Variants in CDC14A observed in about 807,000 individuals in gnomAD.
The protein encoded by CDC14A is dual specificity protein phosphatase CDC14A.
Under a neutral mutation model 74.4 loss-of-function variants are expected in CDC14A, and 53 were observed. The observed-to-expected ratio is 0.71, with a 90% CI of 0.57 to 0.89. The LOEUF (loss-of-function observed/expected upper bound fraction) is 0.89, where lower values mean the gene tolerates loss of function less well. CDC14A is among the 40% of genes least tolerant of loss of function. CDC14A has a pLI of 0.00. For missense variants in CDC14A, 646 were observed against 713.7 expected, an observed-to-expected ratio of 0.91 and a Z score of 1.08; for synonymous variants, 247 against 258.4, an observed-to-expected ratio of 0.96 and a Z score of 0.43.
At chr1:100,453,275 C>T (rs1411892018) in intron 7 of CDC14A, among the ~76,000 whole-genome samples, 2 of 152,156 alleles carry the variant, frequency 1.3e-5, no homozygotes, top group Non-Finnish European at 2.9e-5. Flanking sequence ...AAATGGATTT[C>T]TGTAATCCAA....
At chr1:100,506,473 T>C (rs975872985) in intron 15 of CDC14A, among the ~76,000 whole-genome samples, 1 of 152,232 alleles carries the variant, frequency 6.6e-6, no homozygotes, top group Admixed American at 6.5e-5. Context: ...CAAATTGTTA[T>C]GAGGTCAGCA....
At chr1:100,397,319 AG>A (rs1351374582) in intron 4 of CDC14A, among the ~76,000 whole-genome samples, 1 of 152,202 alleles carries the variant, frequency 6.6e-6, no homozygotes, top group Non-Finnish European at 1.5e-5. Flanking sequence ...TTGAGATGGA[AG>A]GCTCAGATTT....
intron 2 of CDC14A, among the ~76,000 whole-genome samples, chr1:100,361,656 G>T (rs1248248207): frequency 6.6e-6 from 1 of 152,188 alleles, no homozygotes; most frequent in African/African-American, 2.4e-5. Context: ...AGGCACAAGA[G>T]GTGTTTGGGA....
rs532459706 is a variant in CDC14A at position 100,362,815 on chromosome 1, C to T, written c.140+8963C>T. Among the ~76,000 whole-genome samples, 3 of 152,212 alleles carry T rather than the reference C, an allele frequency of 2.0e-5. No homozygotes were observed. The South Asian group carries it at 6.2e-4, about 32-fold the overall frequency. The stretch of plus-strand genomic sequence containing the variant: ...ACTTGAAAATGAAGCAGCATTGTTG[C>T]CTGGGGTAAATACCCGGGGTTCTTC... On this transcript the variant is annotated intron_variant, in intron 2 of 15. Coordinates refer to ENST00000336454, the MANE Select transcript of CDC14A (RefSeq NM_003672.4).
chr1:100,482,856 C>T (rs1669631158), intron 10 of CDC14A, among the ~76,000 whole-genome samples: 1 of 151,782 alleles, frequency 6.6e-6, no homozygotes, highest in Non-Finnish European at 1.5e-5. Context: ...ACTTTAAGTT[C>T]TAGAGTACAT....
chr1:100,432,371 G>C (rs114546724), intron 5 of CDC14A, among the ~76,000 whole-genome samples: 1 of 152,158 alleles, frequency 6.6e-6, no homozygotes, highest in Admixed American at 6.5e-5. Flanking sequence ...TGAAGTATAC[G>C]GACAATATAG....
intron 3 of CDC14A, among the ~76,000 whole-genome samples, chr1:100,377,894 T>A (rs1260369154): frequency 1.3e-5 from 2 of 152,262 alleles, no homozygotes; most frequent in Non-Finnish European, 2.9e-5. Context: ...CCTTTTAGGC[T>A]GTTGTTAATG....
chr1:100,351,238 G>T (rs989804818), upstream of CDC14A, among the ~76,000 whole-genome samples: 2 of 151,396 alleles, frequency 1.3e-5, no homozygotes, highest in Admixed American at 6.6e-5. Flanking sequence ...AACAAAACCT[G>T]CAATTGGCCC....
At position 100,347,278 on chromosome 1, in the gene CDC14A, A is replaced by G. The variant is rs1204660213; in HGVS notation, c.-126+2095A>G. On this transcript the variant is annotated intron_variant, in intron 1 of 14. Coordinates refer to the CDC14A transcript ENST00000635056. Reference sequence around the variant, plus strand: ...ACCTCCTTCTCTTTTTTTCTCTTTTATTTTGCCATATAACCTTTTATAAAG... The same window carrying G: ...ACCTCCTTCTCTTTTTTTCTCTTTTGTTTTGCCATATAACCTTTTATAAAG... 1.3e-5 allele frequency among the ~76,000 whole-genome samples: 2 copies of G among 151,928 alleles called. 1 individual carries two copies. The highest frequency in any genetic ancestry group is 4.2e-4 in the South Asian group (2 of 4,818).
chr1:100,405,895 A>G (rs1659878089), intron 4 of CDC14A, among the ~76,000 whole-genome samples: 1 of 152,240 alleles, frequency 6.6e-6, no homozygotes, highest in African/African-American at 2.4e-5. Context: ...GTATATACCC[A>G]GTAATGGGAT....
intron 5 of CDC14A, among the ~76,000 whole-genome samples, chr1:100,432,880 A>G (rs1285603102): frequency 6.6e-6 from 1 of 152,016 alleles, no homozygotes; most frequent in African/African-American, 2.4e-5. Context: ...TGTTCTATAT[A>G]CTTTCTCCTT....
intron 4 of CDC14A, among the ~76,000 whole-genome samples, chr1:100,419,447 A>T (rs1661980452): frequency 6.6e-6 from 1 of 152,226 alleles, no homozygotes; most frequent in African/African-American, 2.4e-5. Context: ...TTCTTCTTAT[A>T]TCTGCCCACC....
At chr1:100,405,142 C>A (rs1659778679) in intron 4 of CDC14A, among the ~76,000 whole-genome samples, 2 of 152,160 alleles carry the variant, frequency 1.3e-5, no homozygotes, top group South Asian at 4.1e-4. Flanking sequence ...ATAAACCTTT[C>A]CTGATGTTTT....
At position 100,444,489 on chromosome 1, in the gene CDC14A, G is replaced by C. The variant is rs558086506; in HGVS notation, c.519+1493G>C. Among the ~76,000 whole-genome samples the C allele has an allele frequency of 2.0e-5, 3 of 152,278 alleles. No homozygotes were observed. In the South Asian group the frequency reaches 6.2e-4, roughly 32 times the overall value. ...GTCCTGGCATTCTTAGCTGTGATGA[G>C]CTCCAGCCTACCCTTCTAGCCCCAT... On this transcript the variant is annotated intron_variant, in intron 7 of 15. Coordinates refer to ENST00000336454, the MANE Select transcript of CDC14A (RefSeq NM_003672.4).
In CDC14A at chr1:100,467,610, C is replaced by G. The variant is rs374374430; in HGVS notation, c.839-346C>G. On this transcript the variant is annotated intron_variant, in intron 9 of 15. Transcript: ENST00000336454. ...TTGCTCACCCTCATCCCTTTCCACC[C>G]TCATCCCAACCCCCCAGCCACCCTT... is the stretch of plus-strand genomic sequence containing the variant. Among the ~76,000 whole-genome samples, 53 of 152,222 alleles carry G rather than the reference C, an allele frequency of 3.5e-4. No homozygotes were observed. In the East Asian group the frequency reaches 9.1e-3, roughly 26 times the overall value.
chr1:100,435,117 T>A (rs1187879341), intron 5 of CDC14A, among the ~76,000 whole-genome samples: 1 of 152,118 alleles, frequency 6.6e-6, no homozygotes, highest in African/African-American at 2.4e-5. Context: ...GAGGCCCTGG[T>A]CTAGAGAGAG....
intron 13 of CDC14A, among the ~76,000 whole-genome samples, chr1:100,496,359 C>A (rs1647825160): frequency 6.6e-6 from 1 of 152,088 alleles, no homozygotes; most frequent in Non-Finnish European, 1.5e-5. Context: ...TCCTTTTGAT[C>A]TAGTGATAGA....
chr1:100,475,639 A>G (rs1003791541), intron 10 of CDC14A, among the ~76,000 whole-genome samples: 1 of 152,164 alleles, frequency 6.6e-6, no homozygotes, highest in Non-Finnish European at 1.5e-5. Flanking sequence ...GTTGATGTCC[A>G]AGGCTGAGGG....
Position 100,422,448 on chromosome 1 carries a change from T to C in CDC14A, c.310-1774T>C, listed in dbSNP as rs1239558890. Among the ~76,000 whole-genome samples, 3 of 152,358 alleles carry C rather than the reference T, an allele frequency of 2.0e-5. No individual in the cohort carries two copies. In the East Asian group the frequency reaches 5.8e-4, roughly 29 times the overall value. ...CAGTCACCTTTCAAATACTGCGGCA[T>C]CTTTAGGCTTAAGAAATCACTGCAT... On this transcript the variant is annotated intron_variant, in intron 4 of 15. Transcript: ENST00000336454.
Sources: gnomAD v4.1 joint callset for allele counts (sites outside exome capture counted in the v4.1 genomes callset) on GRCh38, gnomAD v4.1.1 for gene constraint, MANE v1.5 for transcripts, NCBI Gene and HGNC (gene_info 2026-07-23, HGNC 2026-07-21) for gene names.